The following RASGRF2 variants were observed in gnomAD, a reference collection of about 807,000 sequenced individuals.
RASGRF2 encodes ras-specific guanine nucleotide-releasing factor 2.
RASGRF2 carries 76 observed loss-of-function variants against 151.0 expected under a neutral mutation model. That is an observed-to-expected ratio of 0.50 (90% confidence interval 0.42 to 0.61). RASGRF2 has a LOEUF of 0.61. Among genes scored for constraint, RASGRF2 ranks in the 20% least tolerant of loss-of-function variants. The probability of loss-of-function intolerance (pLI) is 0.00; values close to 1 mark genes in which losing one functional copy is unlikely to be tolerated. For synonymous variants in RASGRF2, 504 were observed against 566.5 expected, an observed-to-expected ratio of 0.89 and a Z score of 1.57; for missense variants, 1,148 against 1,564.6, an observed-to-expected ratio of 0.73 and a Z score of 4.49.
intron 12 of RASGRF2, among the ~76,000 whole-genome samples, chr5:81,100,153 C>T (rs1235297423): frequency 1.3e-5 from 2 of 152,038 alleles, no homozygotes; most frequent in South Asian, 2.1e-4. Flanking sequence ...GTGATCCACC[C>T]GCCTCGGCCT....
At chr5:81,099,584 TA>T (rs1752639644) in intron 12 of RASGRF2, among the ~76,000 whole-genome samples, 1 of 145,126 alleles carries the variant, frequency 6.9e-6, no homozygotes, top group African/African-American at 2.8e-5. Context: ...AAGAAATATG[TA>T]AGTTATAATT....
At chr5:81,051,515 A>G (rs1561578426) in intron 2 of RASGRF2, among the ~76,000 whole-genome samples, 1 of 152,072 alleles carries the variant, frequency 6.6e-6, no homozygotes, top group Admixed American at 6.6e-5. Context: ...CTAGCCAACC[A>G]CTAATCTCCT....
chr5:81,178,217 G>A (rs1754827648), intron 17 of RASGRF2, among the ~76,000 whole-genome samples: 6 of 152,206 alleles, frequency 3.9e-5, no homozygotes, highest in Admixed American at 3.3e-4. Flanking sequence ...TTGTAGATGG[G>A]AAGACATGGG....
chr5:81,063,943 T>C (rs1751519122), intron 2 of RASGRF2, among the ~76,000 whole-genome samples: 1 of 152,230 alleles, frequency 6.6e-6, no homozygotes, highest in Admixed American at 6.5e-5. Context: ...TTAATGTCTT[T>C]TCTGTTTGTT....
intron 25 of RASGRF2, 95 bp downstream of exon 25, chr5:81,217,568 T>TTCA: frequency 1.3e-6 from 1 of 746,490 alleles, no homozygotes; most frequent in Non-Finnish European, 1.8e-6. Context: ...TTTTTTTTTT[T>TTCA]CTCTTCTTTT....
intron 1 of RASGRF2, among the ~76,000 whole-genome samples, chr5:81,012,762 G>A (rs181479957): frequency 2.5e-3 from 376 of 152,094 alleles, no homozygotes; most frequent in Non-Finnish European, 4.4e-3. Context: ...TGCTGTCTAG[G>A]GGATCCTGTA....
chr5:81,216,348 T>TCC (rs1755734200), intron 24 of RASGRF2, among the ~76,000 whole-genome samples: 1 of 147,524 alleles, frequency 6.8e-6, no homozygotes, highest in African/African-American at 2.5e-5. Flanking sequence ...ATTCCCTTTC[T>TCC]ACACACACAC....
In RASGRF2 at chr5:81,113,530, A is replaced by G; in HGVS notation, c.2088-8A>G. 1.9e-6 allele frequency: 3 copies of G among 1,602,220 alleles called. No homozygotes were observed. Among genetic ancestry groups the G allele is most frequent in the African/African-American group, 2.7e-5 (2 of 74,736 alleles). On this transcript the variant is annotated splice_region_variant and splice_polypyrimidine_tract_variant and intron_variant, in intron 14 of 26. Transcript: ENST00000265080. ...CAATCTCTTAGCCACTTTTGCTCTC[A>G]TTTTTAGGTCATTGGAATTGTTTTT...
Position 81,042,933 on chromosome 5 carries a change from T to C in RASGRF2, c.345T>C (p.Cys115=). Residue 115 remains cysteine, a synonymous_variant, in exon 2 of 27, where the codon TGT becomes TGC. Coordinates refer to ENST00000265080, the MANE Select transcript of RASGRF2 (RefSeq NM_006909.3). ...GTCAGAAGCCACTGGAGCTGCGCTG[T>C]GAGGAGGAGCAGGATGGTAAAGAGT... ...HEGQKPLELR[C]EEEQDGKEWM... 1 of 1,613,114 alleles carries C rather than the reference T, an allele frequency of 6.2e-7. No homozygotes were observed. Among genetic ancestry groups the C allele is most frequent in the Middle Eastern group, 1.7e-4 (1 of 6,026 alleles).
At chr5:81,198,751 T>G (rs556007061) in intron 18 of RASGRF2, among the ~76,000 whole-genome samples, 1 of 152,348 alleles carries the variant, frequency 6.6e-6, no homozygotes, top group East Asian at 1.9e-4. Flanking sequence ...TGATTTCGTT[T>G]TTTAAGGCTG....
chr5:81,020,551 G>T (rs1293812827), intron 1 of RASGRF2, among the ~76,000 whole-genome samples: 1 of 152,048 alleles, frequency 6.6e-6, no homozygotes, highest in Non-Finnish European at 1.5e-5. Flanking sequence ...TAGGATTGAG[G>T]GTACCACAGG....
chr5:80,971,106 A>C (rs548564500), intron 1 of RASGRF2, among the ~76,000 whole-genome samples: 101 of 152,368 alleles, frequency 6.6e-4, no homozygotes, highest in Middle Eastern at 3.4e-3. Flanking sequence ...CGTACATCAG[A>C]AAAGTACACA....
At chr5:81,093,025 C>A (rs1037604046) in intron 10 of RASGRF2, 64 bp downstream of exon 10, 7 of 1,440,608 alleles carry the variant, frequency 4.9e-6, no homozygotes, top group South Asian at 1.4e-5. Context: ...GAAGTTAACT[C>A]ATTTGAGACT....
chr5:81,228,595 A>G lies in RASGRF2; in HGVS notation c.*2825A>G, dbSNP rs1485146680. 2 of 152,124 alleles carry G rather than the reference A, an allele frequency of 1.3e-5. No individual in the cohort carries two copies. Among genetic ancestry groups the G allele is most frequent in the Admixed American group, 1.3e-4 (2 of 15,272 alleles). 9.4% of individuals were successfully genotyped at this position (152,124 alleles called of 1,614,324 possible). On this transcript the variant is annotated 3_prime_UTR_variant, in exon 27 of 27. Transcript: ENST00000265080. ...TACTGTAAAATTAACCTAGAAAATC[A>G]GAAGAAAAATCCAATTTCATGCTTT... is the stretch of plus-strand genomic sequence containing the variant.
chr5:81,037,983 C>T (rs933557344), intron 1 of RASGRF2, among the ~76,000 whole-genome samples: 3 of 152,150 alleles, frequency 2.0e-5, no homozygotes, highest in Admixed American at 6.5e-5. Flanking sequence ...TGATATCATA[C>T]TGTATATAGT....
chr5:81,143,701 C>A (rs2112605839), intron 17 of RASGRF2, among the ~76,000 whole-genome samples: 1 of 151,852 alleles, frequency 6.6e-6, no homozygotes, highest in Admixed American at 6.5e-5. Context: ...ACCAGCCTGG[C>A]CAACATGGTG....
intron 1 of RASGRF2, among the ~76,000 whole-genome samples, chr5:80,977,462 T>A (rs1748156740): frequency 6.6e-6 from 1 of 151,966 alleles, no homozygotes; most frequent in Non-Finnish European, 1.5e-5. Flanking sequence ...TATTTATTTA[T>A]TTATTTATTT....
chr5:80,960,811 A>C lies in RASGRF2; in HGVS notation c.73A>C (p.Lys25Gln). The C allele has an allele frequency of 1.2e-6, 2 of 1,613,612 alleles. No individual in the cohort carries two copies. The highest frequency in any genetic ancestry group is 1.7e-4 in the Middle Eastern group (1 of 6,050). Residue 25 changes from lysine to glutamine, a missense_variant, in exon 1 of 27, where the codon AAG becomes CAG. Transcript: ENST00000265080. The surrounding 1 kb of genome is among the most constrained non-coding windows in gnomAD (Gnocchi z 5.5). ...CTTTCTGGCGCGCAAGGAGGGCACC[A>C]AGCGCGGCTTCCTGAGTAAGAAGAC... is the stretch of plus-strand genomic sequence containing the variant. The part of the protein sequence containing the change: ...LAFLARKEGT[K>Q]RGFLSKKTAE...
intron 14 of RASGRF2, 113 bp downstream of exon 14, chr5:81,112,971 C>T: frequency 1.5e-6 from 2 of 1,375,368 alleles, no homozygotes; most frequent in Non-Finnish European, 2.0e-6. Context: ...GGTGTACTAG[C>T]TTGCCTCTGA....
Sources: gnomAD v4.1 joint callset for allele counts (sites outside exome capture counted in the v4.1 genomes callset) on GRCh38, gnomAD v4.1.1 for gene constraint, Gnocchi (gnomAD v3.1) non-coding constraint, MANE v1.5 for transcripts, NCBI Gene and HGNC (gene_info 2026-07-23, HGNC 2026-07-21) for gene names.